HYDIN: variants seen among roughly 807,000 people sequenced by gnomAD.
HYDIN encodes the protein axonemal central pair apparatus protein HYDIN.
A neutral mutation model predicts 403.9 loss-of-function variants in HYDIN; 132 were observed. The ratio of observed to expected loss-of-function variants is 0.33; its 90% confidence interval spans 0.28 to 0.38. The LOEUF (loss-of-function observed/expected upper bound fraction) is 0.38, where lower values mean the gene tolerates loss of function less well. HYDIN is among the 10% of genes least tolerant of loss of function. The pLI is 1.00. For synonymous variants in HYDIN, 1,202 were observed against 1,891.7 expected (o/e 0.64, Z 9.46); for missense variants, 2,827 against 5,009.5 (o/e 0.56, Z 13.15).
At chr16:71,021,354 T>A (rs887058739) in intron 21 of HYDIN, among the ~76,000 whole-genome samples, 4 of 151,202 alleles carry the variant, frequency 2.6e-5, no homozygotes, top group African/African-American at 9.7e-5. Context: ...GTAGCTGGGA[T>A]TACAGGCACG....
intron 42 of HYDIN, among the ~76,000 whole-genome samples, chr16:70,942,948 T>C (rs1228804918): frequency 6.6e-6 from 1 of 152,072 alleles, no homozygotes; most frequent in East Asian, 1.9e-4. Context: ...TTGAAAGTGA[T>C]GTACCTTTAA....
chr16:71,066,142 T>C (rs1370529876), intron 15 of HYDIN, among the ~76,000 whole-genome samples: 1 of 151,852 alleles, frequency 6.6e-6, no homozygotes, highest in Non-Finnish European at 1.5e-5. Flanking sequence ...GAATTTCCTA[T>C]CGATAGCTGT....
chr16:70,966,995 C>G (rs1435392745), intron 36 of HYDIN, among the ~76,000 whole-genome samples: 1 of 150,872 alleles, frequency 6.6e-6, no homozygotes, highest in African/African-American at 2.4e-5. Context: ...GACTACTCAG[C>G]TGGTATTAAC....
chr16:71,161,163 A>G (rs2085982537), intron 6 of HYDIN, among the ~76,000 whole-genome samples: 1 of 145,308 alleles, frequency 6.9e-6, no homozygotes, highest in African/African-American at 2.6e-5. Flanking sequence ...GATGGGAGAC[A>G]GTGACAGATC....
At chr16:71,189,571 T>C (rs2144675511) in intron 1 of HYDIN, among the ~76,000 whole-genome samples, 1 of 152,086 alleles carries the variant, frequency 6.6e-6, no homozygotes, top group East Asian at 1.9e-4. Flanking sequence ...ATTGAGACCA[T>C]CCTGGCTAAC....
At chr16:70,986,369 TTCAAAGACTATAC>T (rs1349731513) in intron 27 of HYDIN, among the ~76,000 whole-genome samples, 1 of 152,050 alleles carries the variant, frequency 6.6e-6, no homozygotes, top group African/African-American at 2.4e-5. Flanking sequence ...GTCTGACTGC[TTCAAAGACTATAC>T]TCAGACATGA....
At chr16:71,067,128 A>G (rs2082297997) in intron 15 of HYDIN, 162 bp downstream of exon 15, 7 of 595,722 alleles carry the variant, frequency 1.2e-5, no homozygotes, top group Non-Finnish European at 2.1e-5. Flanking sequence ...CTTTAGAAAC[A>G]TTTGCTGCTT....
At chr16:70,981,279 A>T (rs1421017442) in intron 29 of HYDIN, 112 bp downstream of exon 29, 12 of 1,435,992 alleles carry the variant, frequency 8.4e-6, no homozygotes, top group Non-Finnish European at 1.1e-5. Flanking sequence ...GTGGAAGAGA[A>T]CCACAGGGCA....
intron 85 of HYDIN, among the ~76,000 whole-genome samples, chr16:70,808,572 C>CA (rs2035252783): frequency 6.6e-6 from 1 of 152,170 alleles, no homozygotes; most frequent in Non-Finnish European, 1.5e-5. Flanking sequence ...CTGAGATGAG[C>CA]AGGGTCCCCT....
intron 77 of HYDIN, 84 bp from the exon 78 acceptor site, chr16:70,835,918 G>C (rs893105403): frequency 1.2e-5 from 8 of 664,352 alleles, no homozygotes; most frequent in South Asian, 9.0e-5. Context: ...GTGAGGCAAG[G>C]GTGGTTCCTT....
chr16:70,835,007 TACACACACATATATATATG>T (rs1567678198), intron 78 of HYDIN, among the ~76,000 whole-genome samples: 3 of 147,032 alleles, frequency 2.0e-5, no homozygotes, highest in East Asian at 4.0e-4. Flanking sequence ...CATATATATA[TACACACACATATATATATG>T]TTTTTTTTTT....
At chr16:71,215,152 CTAAT>C (rs921299875) in intron 1 of HYDIN, among the ~76,000 whole-genome samples, 2 of 151,800 alleles carry the variant, frequency 1.3e-5, no homozygotes, top group African/African-American at 4.8e-5. Context: ...CAGGATAAAA[CTAAT>C]TAGTCACCTT....
chr16:71,132,483 T>C (rs11075877), intron 8 of HYDIN: 1 of 40,158 alleles, frequency 2.5e-5, no homozygotes, highest in Non-Finnish European at 4.9e-5. Context: ...CAAGACAATA[T>C]ACATTTTGAA....
intron 6 of HYDIN, among the ~76,000 whole-genome samples, chr16:71,157,228 T>C (rs572862140): frequency 6.6e-6 from 1 of 151,212 alleles, no homozygotes; most frequent in East Asian, 1.9e-4. Flanking sequence ...AAGCATTTTA[T>C]AAACTTAACC....
At chr16:71,197,694 G>C (rs968609445) in intron 1 of HYDIN, among the ~76,000 whole-genome samples, 2 of 152,144 alleles carry the variant, frequency 1.3e-5, no homozygotes, top group African/African-American at 2.4e-5. Flanking sequence ...CCCCATTAAA[G>C]GTAACCACTA....
At chr16:71,219,152 G>A (rs1329658887) in intron 1 of HYDIN, among the ~76,000 whole-genome samples, 1 of 152,094 alleles carries the variant, frequency 6.6e-6, no homozygotes, top group Non-Finnish European at 1.5e-5. Context: ...TAGTTGTACA[G>A]AACATAGAAT....
chr16:71,156,752 T>G (rs1481180183), intron 6 of HYDIN, among the ~76,000 whole-genome samples: 2 of 151,828 alleles, frequency 1.3e-5, no homozygotes, highest in Non-Finnish European at 2.9e-5. Context: ...TCAGATGATC[T>G]TTCTTGTTTA....
intron 3 of HYDIN, among the ~76,000 whole-genome samples, chr16:71,184,349 T>A (rs2084138696): frequency 6.6e-6 from 1 of 152,142 alleles, no homozygotes; most frequent in Non-Finnish European, 1.5e-5. Flanking sequence ...TATAATCACA[T>A]GCTCCTAAAG....
At chr16:70,955,725 G>A (rs2078213544) in intron 39 of HYDIN, among the ~76,000 whole-genome samples, 177 bp from the exon 40 acceptor site, 1 of 152,130 alleles carries the variant, frequency 6.6e-6, no homozygotes, top group African/African-American at 2.4e-5. Flanking sequence ...CTGGAGTCAG[G>A]GCTGTGGGTC....
Sources: allele counts gnomAD v4.1 joint callset (sites outside exome capture counted in the v4.1 genomes callset), GRCh38; gene constraint gnomAD v4.1.1; transcripts MANE v1.5; gene names NCBI Gene and HGNC (gene_info 2026-07-23, HGNC 2026-07-21).